Variants in PRELID2 observed in about 807,000 individuals in gnomAD.
PRELID2 encodes PRELI domain-containing protein 2.
A neutral mutation model predicts 28.4 loss-of-function variants in PRELID2; 25 were observed. The ratio of observed to expected loss-of-function variants is 0.88; its 90% CI spans 0.64 to 1.23. PRELID2 has a LOEUF of 1.23. Ranked by LOEUF, PRELID2 falls within the 50% of genes most tolerant of loss-of-function variation. The probability of loss-of-function intolerance (pLI) is 0.00; values close to 1 mark genes in which losing one functional copy is unlikely to be tolerated. For missense variants in PRELID2, 201 were observed against 214.4 expected (o/e 0.94, Z 0.39); for synonymous variants, 76 against 71.6 (o/e 1.06, Z -0.31).
chr5:145,235,163 T>C, the PRELID2 span, among the ~76,000 whole-genome samples: 4 of 152,142 alleles, frequency 2.6e-5, no homozygotes, highest in Non-Finnish European at 4.4e-5. Context: ...CATAAATATG[T>C]ATATAAAAGC....
At chr5:145,685,044 T>C (rs772429841) in intron 1 of PRELID2, among the ~76,000 whole-genome samples, 1 of 152,196 alleles carries the variant, frequency 6.6e-6, no homozygotes, top group Non-Finnish European at 1.5e-5. Context: ...TTGTTGCTTC[T>C]ACTTCCAAAA....
At chr5:145,803,551 G>T (rs139431725) in intron 4 of PRELID2, among the ~76,000 whole-genome samples, 6 of 151,910 alleles carry the variant, frequency 3.9e-5, no homozygotes, top group Non-Finnish European at 1.5e-5. Flanking sequence ...TGTGAAGTTC[G>T]CTCTTCTCTA....
intron 1 of PRELID2, among the ~76,000 whole-genome samples, chr5:145,483,898 C>T (rs182228247): frequency 4.7e-4 from 72 of 152,322 alleles, no homozygotes; most frequent in Admixed American, 1.9e-3. Flanking sequence ...TTGTCTGTGT[C>T]AGTTGCTCAC....
chr5:145,466,507 A>G, the PRELID2 span, among the ~76,000 whole-genome samples: 1 of 152,130 alleles, frequency 6.6e-6, no homozygotes, highest in Admixed American at 6.6e-5. Flanking sequence ...TTGTATGTCT[A>G]TCTATTTACC....
intron 1 of PRELID2, among the ~76,000 whole-genome samples, chr5:145,737,092 A>G (rs898219255): frequency 2.6e-5 from 4 of 152,218 alleles, no homozygotes; most frequent in Admixed American, 6.5e-5. Flanking sequence ...AAGAGGAGAG[A>G]AAGAGAGACC....
intron 3 of PRELID2, 48 bp downstream of exon 3, chr5:145,819,897 A>G: frequency 8.5e-7 from 1 of 1,172,284 alleles, no homozygotes; most frequent in Non-Finnish European, 1.3e-6. Context: ...ATGACTATTA[A>G]AAATTACTCA....
the PRELID2 span, among the ~76,000 whole-genome samples, chr5:145,239,249 T>C: frequency 6.6e-6 from 1 of 152,042 alleles, no homozygotes; most frequent in Non-Finnish European, 1.5e-5. Flanking sequence ...TTGAAAGAAA[T>C]ACTAATGAGC....
chr5:145,519,083 A>G (rs1752542814), intron 1 of PRELID2, among the ~76,000 whole-genome samples: 1 of 152,174 alleles, frequency 6.6e-6, no homozygotes, highest in Non-Finnish European at 1.5e-5. Context: ...CTCAGCACCA[A>G]GACTTCTCTG....
At chr5:145,312,620 T>C in the PRELID2 span, among the ~76,000 whole-genome samples, 1 of 152,218 alleles carries the variant, frequency 6.6e-6, no homozygotes, top group African/African-American at 2.4e-5. Flanking sequence ...TTTGTCTTCC[T>C]GTGTCTGGCT....
the PRELID2 span, among the ~76,000 whole-genome samples, chr5:145,328,900 T>C: frequency 6.6e-6 from 1 of 152,250 alleles, no homozygotes; most frequent in Non-Finnish European, 1.5e-5. Context: ...AGGGATTTTA[T>C]GATTTTAGGT....
intron 5 of PRELID2, among the ~76,000 whole-genome samples, chr5:145,776,998 G>A (rs1054044224): frequency 6.6e-6 from 1 of 152,134 alleles, no homozygotes; most frequent in Admixed American, 6.5e-5. Flanking sequence ...GAACTGCAAG[G>A]GTGGGATTGT....
At chr5:145,822,101 A>C (rs1203713557) in intron 2 of PRELID2, among the ~76,000 whole-genome samples, 2 of 152,194 alleles carry the variant, frequency 1.3e-5, no homozygotes, top group African/African-American at 2.4e-5. Flanking sequence ...AGTCACACAC[A>C]ATGAACAGTA....
At chr5:145,253,696 G>C in the PRELID2 span, among the ~76,000 whole-genome samples, 9 of 152,010 alleles carry the variant, frequency 5.9e-5, no homozygotes, top group East Asian at 1.9e-4. Flanking sequence ...CTGTTAGAGA[G>C]GTAGGCATAT....
intron 1 of PRELID2, among the ~76,000 whole-genome samples, chr5:145,624,519 T>TAAGGACAAAGACCA (rs149302019): frequency 0.22 from 33,832 of 152,084 alleles, 7,111 homozygotes; most frequent in African/African-American, 0.55. Flanking sequence ...TTCCAAGAAC[T>TAAGGACAAAGACCA]AATATATATT....
chr5:145,692,551 G>T (rs1187299101), intron 1 of PRELID2, among the ~76,000 whole-genome samples: 1 of 151,944 alleles, frequency 6.6e-6, no homozygotes. Flanking sequence ...TCACCCAAAA[G>T]GTGACATTTT....
the PRELID2 span, among the ~76,000 whole-genome samples, chr5:145,272,357 G>C: frequency 1.3e-5 from 2 of 152,042 alleles, no homozygotes; most frequent in Non-Finnish European, 2.9e-5. Context: ...ATATGATAAG[G>C]ACTGTGGTAA....
chr5:145,691,738 C>T (rs923051054), intron 1 of PRELID2, among the ~76,000 whole-genome samples: 28 of 151,932 alleles, frequency 1.8e-4, no homozygotes, highest in African/African-American at 6.8e-4. Flanking sequence ...TTACCTAAGA[C>T]TCCTGGGTTT....
intron 6 of PRELID2, among the ~76,000 whole-genome samples, chr5:145,762,231 T>C (rs964907854): frequency 6.6e-6 from 1 of 152,164 alleles, no homozygotes; most frequent in African/African-American, 2.4e-5. Context: ...CCATTTCACT[T>C]AAGAGAGGAG....
rs1757311522 is a variant in PRELID2, at chr5:145,758,011, T to A, written c.*2525A>T. ...AAAACTTACATCCAGAGTACAAAAA[T>A]GCAAATCCATTAAAGCTTGGCCAGG... is the stretch of plus-strand genomic sequence containing the variant. On this transcript the variant is annotated 3_prime_UTR_variant, in exon 7 of 7. Transcript: ENST00000683046. Among the ~76,000 whole-genome samples the A allele has an allele frequency of 6.6e-6, 1 of 152,054 alleles. No individual in the cohort carries two copies. The highest frequency in any genetic ancestry group is 1.5e-5 in the Non-Finnish European group (1 of 68,006).
Sources: gnomAD v4.1 joint callset for allele counts (sites outside exome capture counted in the v4.1 genomes callset) on GRCh38, gnomAD v4.1.1 for gene constraint, MANE v1.5 for transcripts, NCBI Gene and HGNC (gene_info 2026-07-23, HGNC 2026-07-21) for gene names.